The following COL9A1 variants were observed in gnomAD, a reference collection of about 807,000 sequenced individuals.
The protein encoded by COL9A1 is collagen alpha-1(IX) chain.
COL9A1 carries 104 observed loss-of-function variants against 142.6 expected under a neutral mutation model. The ratio of observed to expected loss-of-function variants is 0.73; its 90% CI spans 0.62 to 0.86. The LOEUF (loss-of-function observed/expected upper bound fraction) is 0.86. Ranked by LOEUF, COL9A1 falls within the 40% of genes least tolerant of loss-of-function variation. The pLI, the probability that COL9A1 is intolerant of heterozygous loss-of-function variation, is 0.00. For missense variants in COL9A1, 1,210 were observed against 1,176.6 expected, an observed-to-expected ratio of 1.03 and a Z score of -0.42; for synonymous variants, 466 against 396.0, an observed-to-expected ratio of 1.18 and a Z score of -2.10.
intron 28 of COL9A1, among the ~76,000 whole-genome samples, chr6:70,243,770 C>T (rs182549125): frequency 1.2e-4 from 19 of 152,256 alleles, no homozygotes; most frequent in Admixed American, 6.5e-4. Context: ...TCAGGTGATC[C>T]GCCCGCCTTG....
chr6:70,223,424 G>C (rs375023220), intron 37 of COL9A1, among the ~76,000 whole-genome samples: 2 of 152,192 alleles, frequency 1.3e-5, no homozygotes, highest in African/African-American at 4.8e-5. Flanking sequence ...GAGAAATTAA[G>C]TAAAATGCCC....
chr6:70,265,191 C>T (rs751943388), intron 18 of COL9A1, among the ~76,000 whole-genome samples: 1 of 152,020 alleles, frequency 6.6e-6, no homozygotes, highest in Non-Finnish European at 1.5e-5. Context: ...AGATAATTAA[C>T]TTGTTTAAAT....
chr6:70,294,474 A>G lies in COL9A1; in HGVS notation c.389T>C (p.Ile130Thr), dbSNP rs1349555191. ...CCCAGAGGAATCCTGAATCTGCCAA[A>G]TGTTCCAGTTCTTTTTGAGAGTGCT... ...TGSTLKKNWN[I>T]WQIQDSSGKE... Residue 130 changes from isoleucine (I) to threonine (T), a missense_variant, in exon 5 of 38, where the codon ATT becomes ACT. Coordinates refer to ENST00000357250, the MANE Select transcript of COL9A1 (RefSeq NM_001851.6). 6.2e-7 allele frequency: 1 copy of G among 1,614,100 alleles called. No individual in the cohort carries two copies. Among genetic ancestry groups the G allele is most frequent in the Non-Finnish European group, 8.5e-7 (1 of 1,179,966 alleles).
At chr6:70,298,172 A>C (rs1773914768) in intron 4 of COL9A1, among the ~76,000 whole-genome samples, 1 of 152,220 alleles carries the variant, frequency 6.6e-6, no homozygotes, top group Non-Finnish European at 1.5e-5. Flanking sequence ...AAAGACTTTC[A>C]TATACATGCA....
chr6:70,279,747 G>A (rs545669893), intron 10 of COL9A1: 13 of 337,416 alleles, frequency 3.9e-5, no homozygotes, highest in East Asian at 2.9e-4. Context: ...TCCCGACAAA[G>A]AAAGCACACC....
intron 35 of COL9A1, among the ~76,000 whole-genome samples, chr6:70,234,308 A>T (rs1769752888): frequency 1.3e-5 from 2 of 151,916 alleles, no homozygotes; most frequent in Admixed American, 6.6e-5. Flanking sequence ...ACAAAACAAA[A>T]AAAAGGCAGG....
At chr6:70,234,235 A>AGTGTGTGT (rs71538408) in intron 35 of COL9A1, among the ~76,000 whole-genome samples, 3 of 146,944 alleles carry the variant, frequency 2.0e-5, no homozygotes, top group African/African-American at 7.5e-5. Flanking sequence ...AAAGGAAAAA[A>AGTGTGTGT]GTGTGTGTGT....
chr6:70,240,631 C>T (rs926953880), intron 32 of COL9A1, 58 bp downstream of exon 32: 3 of 1,208,980 alleles, frequency 2.5e-6, no homozygotes, highest in South Asian at 1.2e-5. Context: ...TATATATATA[C>T]TTCTAACAGT....
chr6:70,263,567 C>CT (rs1771829246), intron 18 of COL9A1, among the ~76,000 whole-genome samples: 1 of 151,580 alleles, frequency 6.6e-6, no homozygotes, highest in Non-Finnish European at 1.5e-5. Context: ...CAAAGTTTTT[C>CT]TAAAGTGGGG....
chr6:70,282,944 G>C (rs1386791548), intron 6 of COL9A1, 26 bp from the exon 7 acceptor site: 2 of 1,614,098 alleles, frequency 1.2e-6, no homozygotes, highest in East Asian at 2.2e-5. Context: ...TGGGGAGAAA[G>C]TGAGAAAAGC....
At chr6:70,276,376 G>T (rs912323575) in intron 10 of COL9A1, among the ~76,000 whole-genome samples, 3 of 152,058 alleles carry the variant, frequency 2.0e-5, no homozygotes, top group Non-Finnish European at 4.4e-5. Context: ...GACCAATTCT[G>T]TTCAATTTTC....
intron 21 of COL9A1, 42 bp from the exon 22 acceptor site, chr6:70,255,432 T>C (rs780956299): frequency 3.9e-6 from 6 of 1,546,170 alleles, no homozygotes; most frequent in Non-Finnish European, 5.4e-6. Flanking sequence ...AAAAAGTTAC[T>C]TATTAATCAA....
chr6:70,217,126 T>C (rs370148201), intron 37 of COL9A1, 45 bp from the exon 38 acceptor site: 73 of 1,604,548 alleles, frequency 4.5e-5, no homozygotes, highest in South Asian at 5.5e-5. Context: ...AGAATCCTCA[T>C]TGATGCAAAC....
intron 1 of COL9A1, 71 bp from the exon 2 acceptor site, chr6:70,302,145 A>T: frequency 2.2e-6 from 2 of 893,406 alleles, no homozygotes; most frequent in Non-Finnish European, 3.7e-6. Context: ...ATATTTTCAA[A>T]CCTAGTAAAC....
At chr6:70,242,205 C>T (rs779646770) in intron 29 of COL9A1, 170 bp from the exon 30 acceptor site, 30 of 680,478 alleles carry the variant, frequency 4.4e-5, no homozygotes, top group Non-Finnish European at 7.5e-5. Context: ...GAGAAGAGGG[C>T]GGGGCCAATG....
At chr6:70,232,799 G>T (rs1223915215) in intron 35 of COL9A1, 28 bp from the exon 36 acceptor site, 6 of 1,584,474 alleles carry the variant, frequency 3.8e-6, no homozygotes, top group Non-Finnish European at 4.3e-6. Context: ...AAACAACCCA[G>T]AAGTGTCAGA....
chr6:70,215,678 G>C (rs757624243), downstream of COL9A1: 3 of 152,154 alleles, frequency 2.0e-5, no homozygotes, highest in Non-Finnish European at 4.4e-5. Flanking sequence ...AAATTTACAA[G>C]AAATGGTGAA....
chr6:70,300,871 G>A (rs574059122), intron 2 of COL9A1, among the ~76,000 whole-genome samples: 9 of 152,238 alleles, frequency 5.9e-5, no homozygotes, highest in Non-Finnish European at 1.2e-4. Context: ...AGCCAACCTT[G>A]GTCCAGTTCA....
intron 10 of COL9A1, chr6:70,280,291 C>T: frequency 3.2e-6 from 4 of 1,236,896 alleles, no homozygotes; most frequent in Non-Finnish European, 4.0e-6. Context: ...CATCCCCACT[C>T]ACTTCAAGTG....
Sources: gnomAD v4.1 joint callset for allele counts (sites outside exome capture counted in the v4.1 genomes callset) on GRCh38, gnomAD v4.1.1 for gene constraint, MANE v1.5 for transcripts, NCBI Gene and HGNC (gene_info 2026-07-23, HGNC 2026-07-21) for gene names.